The following RGSL1 variants were observed in gnomAD, a reference collection of about 807,000 sequenced individuals.
RGSL1 encodes regulator of G protein signaling like 1.
In RGSL1, 97 loss-of-function variants were observed where a neutral mutation model predicts 124.7. The ratio of observed to expected loss-of-function variants is 0.78; its 90% CI spans 0.66 to 0.92. The LOEUF (loss-of-function observed/expected upper bound fraction) is 0.92. Ranked by LOEUF, RGSL1 falls within the 40% of genes least tolerant of loss-of-function variation. RGSL1 has a pLI of 0.00. For synonymous variants in RGSL1, 424 were observed against 438.1 expected (o/e 0.97, Z 0.40); for missense variants, 1,233 against 1,288.4 (o/e 0.96, Z 0.66).
chr1:182,555,825 C>A (rs911753911), intron 20 of RGSL1, 199 bp from the exon 21 acceptor site: 5 of 592,580 alleles, frequency 8.4e-6, no homozygotes, highest in Admixed American at 3.2e-5. Context: ...ACTGGAAAAG[C>A]AATGCATGGC....
intron 14 of RGSL1, among the ~76,000 whole-genome samples, chr1:182,536,594 A>G (rs943081725): frequency 3.3e-5 from 5 of 152,284 alleles, no homozygotes; most frequent in Middle Eastern, 3.4e-3. Flanking sequence ...ATATTAGTCC[A>G]TTTTCACACT....
chr1:182,559,457 T>C (rs935846035), intron 21 of RGSL1, among the ~76,000 whole-genome samples: 1 of 152,178 alleles, frequency 6.6e-6, no homozygotes, highest in African/African-American at 2.4e-5. Flanking sequence ...CCTTCCTCTC[T>C]ATCCCACTGG....
At chr1:182,530,950 G>GA (rs2102270078) in intron 13 of RGSL1, 40 bp downstream of exon 13, 11 of 1,529,544 alleles carry the variant, frequency 7.2e-6, no homozygotes, top group Non-Finnish European at 9.7e-6. Flanking sequence ...TTAGAGACAA[G>GA]AAAACCATCG....
chr1:182,485,857 A>T (rs546419015), intron 6 of RGSL1, among the ~76,000 whole-genome samples: 20 of 152,362 alleles, frequency 1.3e-4, no homozygotes, highest in Admixed American at 1.2e-3. Context: ...CACATGGATA[A>T]TACATGAAAT....
chr1:182,472,605 A>G (rs1220446075), intron 5 of RGSL1, 48 bp downstream of exon 5: 1 of 1,466,070 alleles, frequency 6.8e-7, no homozygotes, highest in Non-Finnish European at 9.1e-7. Context: ...AAAAAAGTAA[A>G]TCCAGTGTCT....
intron 4 of RGSL1, among the ~76,000 whole-genome samples, chr1:182,470,604 A>C (rs1017446595): frequency 6.6e-6 from 1 of 151,880 alleles, no homozygotes; most frequent in Non-Finnish European, 1.5e-5. Flanking sequence ...CATTTTTTCT[A>C]TTCTGATTAT....
intron 7 of RGSL1, 32 bp downstream of exon 7, chr1:182,488,379 TGAG>T (rs778648231): frequency 1.5e-4 from 233 of 1,508,604 alleles, no homozygotes; most frequent in Non-Finnish European, 1.4e-4. Flanking sequence ...GAAGGAATCA[TGAG>T]GATGAGGGAA....
At chr1:182,555,816 C>T (rs1660832739) in intron 20 of RGSL1, 1 of 583,326 alleles carries the variant, frequency 1.7e-6, no homozygotes, top group African/African-American at 1.9e-5. Context: ...GCTCTTTACA[C>T]TGGAAAAGCA....
chr1:182,545,756 G>A (rs968237996), intron 15 of RGSL1, among the ~76,000 whole-genome samples: 8 of 151,992 alleles, frequency 5.3e-5, no homozygotes, highest in African/African-American at 1.9e-4. Context: ...AATTTTCCTG[G>A]CCTTTATGGT....
chr1:182,519,393 A>G (rs1436552275), intron 9 of RGSL1, among the ~76,000 whole-genome samples: 2 of 152,188 alleles, frequency 1.3e-5, no homozygotes, highest in Admixed American at 6.5e-5. Context: ...TAACACTTTG[A>G]AAATGTTATC....
chr1:182,458,995 G>A (rs949253864), intron 3 of RGSL1, among the ~76,000 whole-genome samples: 2 of 152,114 alleles, frequency 1.3e-5, no homozygotes, highest in Admixed American at 6.5e-5. Flanking sequence ...CACATCTACC[G>A]TGATAGGTTA....
At position 182,527,565 on chromosome 1, in the gene RGSL1, T is replaced by G; in HGVS notation, c.1932-14T>G. 2 of 1,536,120 alleles carry G rather than the reference T, an allele frequency of 1.3e-6. No homozygotes were observed. Among genetic ancestry groups the G allele is most frequent in the East Asian group, 2.4e-5 (1 of 40,840 alleles). ...TTCCTTTCTCTCTACCAAAGATGCTTTCTTGTTTTCCAGAAACTTGACAGA... is the reference window on the plus strand; with the variant it reads ...TTCCTTTCTCTCTACCAAAGATGCTGTCTTGTTTTCCAGAAACTTGACAGA... On this transcript the variant is annotated splice_polypyrimidine_tract_variant and intron_variant, in intron 10 of 21. Transcript: ENST00000294854.
rs565386464 is a variant in RGSL1, at chr1:182,487,675, C to T, written c.1432-610C>T. On this transcript the variant is annotated intron_variant, in intron 6 of 21. Coordinates refer to ENST00000294854, the MANE Select transcript of RGSL1 (RefSeq NM_001137669.2). Reference sequence around the variant, plus strand: ...GCTGCTGTTCACGCTGGAAGCTGAGCTCCTTATAGCGACACTTGCAGCATG... The same window carrying T: ...GCTGCTGTTCACGCTGGAAGCTGAGTTCCTTATAGCGACACTTGCAGCATG... Among the ~76,000 whole-genome samples, 20 of 152,204 alleles carry T rather than the reference C, an allele frequency of 1.3e-4. 1 individual carries two copies. The highest frequency in any genetic ancestry group is 1.3e-3 in the Admixed American group (20 of 15,282).
intron 6 of RGSL1, among the ~76,000 whole-genome samples, chr1:182,486,200 C>A (rs1463967618): frequency 3.3e-5 from 5 of 151,536 alleles, no homozygotes; most frequent in Non-Finnish European, 7.4e-5. Flanking sequence ...TTATTCATGA[C>A]TATTATTTTA....
At chr1:182,513,122 C>T (rs1041741425) in intron 9 of RGSL1, among the ~76,000 whole-genome samples, 2 of 152,226 alleles carry the variant, frequency 1.3e-5, no homozygotes, top group Admixed American at 6.5e-5. Context: ...GAACTGCCCT[C>T]GCCTACCCAG....
intron 9 of RGSL1, among the ~76,000 whole-genome samples, 196 bp downstream of exon 9, chr1:182,493,325 G>A (rs1655671190): frequency 6.6e-6 from 1 of 152,168 alleles, no homozygotes; most frequent in Non-Finnish European, 1.5e-5. Flanking sequence ...ATGAAAATAA[G>A]ATGTAATCAT....
At chr1:182,545,534 A>G (rs947256234) in intron 15 of RGSL1, among the ~76,000 whole-genome samples, 4 of 152,136 alleles carry the variant, frequency 2.6e-5, no homozygotes, top group African/African-American at 9.7e-5. Context: ...CTTGCGTGTT[A>G]GTGTCATTTT....
intron 4 of RGSL1, chr1:182,460,856 T>C (rs960385494): frequency 4.0e-5 from 16 of 398,334 alleles, no homozygotes; most frequent in Non-Finnish European, 7.0e-5. Context: ...TTCAGCTCTT[T>C]GCACAGTGGC....
At chr1:182,517,232 C>T (rs1657963899) in intron 9 of RGSL1, among the ~76,000 whole-genome samples, 1 of 150,662 alleles carries the variant, frequency 6.6e-6, no homozygotes, top group African/African-American at 2.4e-5. Flanking sequence ...AAGTCTGTTA[C>T]TAGATGAACT....
Sources: allele counts gnomAD v4.1 joint callset (sites outside exome capture counted in the v4.1 genomes callset), GRCh38; gene constraint gnomAD v4.1.1; transcripts MANE v1.5; gene names NCBI Gene and HGNC (gene_info 2026-07-23, HGNC 2026-07-21).